SLC4A9: variants seen among roughly 807,000 people sequenced by gnomAD.
SLC4A9 encodes solute carrier family 4 member 9.
A neutral mutation model predicts 103.2 loss-of-function variants in SLC4A9; 102 were observed. The observed-to-expected ratio is 0.99, with a 90% CI of 0.84 to 1.17. The LOEUF (loss-of-function observed/expected upper bound fraction) is 1.17. Ranked by LOEUF, SLC4A9 falls within the 50% of genes most tolerant of loss-of-function variation. The pLI, the probability that SLC4A9 is intolerant of heterozygous loss-of-function variation, is 0.00. For synonymous variants in SLC4A9, 453 were observed against 483.6 expected (o/e 0.94, Z 0.83); for missense variants, 1,091 against 1,193.7 (o/e 0.91, Z 1.27).
At chr5:140,369,643 C>T (rs892438418) in intron 17 of SLC4A9, among the ~76,000 whole-genome samples, 3 of 150,922 alleles carry the variant, frequency 2.0e-5, no homozygotes, top group African/African-American at 2.4e-5. Context: ...GGGAAAGAGC[C>T]AGATGGACCG....
intron 11 of SLC4A9, 73 bp downstream of exon 11, chr5:140,364,698 A>T: frequency 6.6e-7 from 1 of 1,525,652 alleles, no homozygotes; most frequent in Non-Finnish European, 8.9e-7. Flanking sequence ...CACCCTTACT[A>T]TCCCCCCTGG....
In SLC4A9 at chr5:140,361,276, G is replaced by A. The variant is rs1013998244; in HGVS notation, c.414G>A (p.Ser138=). ...CAGAGCAGGTGACCAGGGTGGAGTC[G>A]CTGAGCCCAGAGCTGAGAGGGCAGT... is the stretch of plus-strand genomic sequence containing the variant. ...ELVEQVTRVE[S]LSPELRGQLQ... is the part of the protein sequence containing the mutation. The change falls in exon 3 of 22, where the codon TCG becomes TCA. Residue 138 remains serine (S), a synonymous_variant. Transcript: ENST00000506757. The A allele has an allele frequency of 1.2e-5, 19 of 1,567,948 alleles. No homozygotes were observed. Among genetic ancestry groups the A allele is most frequent in the Non-Finnish European group, 1.5e-5 (17 of 1,156,274 alleles).
rs1439708655 is a variant in SLC4A9, at chr5:140,362,320, C to A, written c.720-125C>A. On this transcript the variant is annotated intron_variant, in intron 5 of 21. Coordinates refer to ENST00000506757, the MANE Select transcript of SLC4A9 (RefSeq NM_031467.3). ...TCTGGGGAGAGAGTAGTGGTCAGGG[C>A]TGCATGGTAGGTGTGCAAATGAGTG... The A allele has an allele frequency of 3.2e-6, 4 of 1,238,700 alleles. No individual in the cohort carries two copies. The African/African-American group carries it at 5.9e-5, about 18-fold the overall frequency. The allele number at this position is 1,238,700 out of a possible 1,614,324, so 76.7% of individuals were successfully genotyped here. A position where few individuals can be genotyped will look rare whatever the true frequency, so the allele number is the denominator to read the frequency against.
rs1424094633 is a variant in SLC4A9, at chr5:140,361,352, ACCAGG to A, written c.493_497del (p.Arg165LeufsTer12). ...CCAGCATTACAACCAGACCACAGGC[ACCAGG>A]CCCTGCTGGGGTGAGAGCCCCTCCC... On this transcript the variant is annotated frameshift_variant, in exon 3 of 22. Transcript: ENST00000506757. LOFTEE classifies it high-confidence loss of function. The A allele has an allele frequency of 4.5e-6, 7 of 1,557,072 alleles. No individual in the cohort carries two copies. The highest frequency in any genetic ancestry group is 6.1e-6 in the Non-Finnish European group (7 of 1,150,248).
intron 17 of SLC4A9, among the ~76,000 whole-genome samples, chr5:140,370,059 A>G (rs1768474282): frequency 6.6e-6 from 1 of 152,122 alleles, no homozygotes; most frequent in African/African-American, 2.4e-5. Flanking sequence ...CAAAAAAACA[A>G]ACAAAAACCC....
Position 140,372,235 on chromosome 5 carries a change from C to A in SLC4A9, c.2671-7C>A, listed in dbSNP as rs775120252. 1.4e-5 allele frequency: 21 copies of A among 1,546,794 alleles called. No individual in the cohort carries two copies. The South Asian group carries it at 2.6e-4, about 19-fold the overall frequency. On this transcript the variant is annotated splice_polypyrimidine_tract_variant and splice_region_variant and intron_variant, in intron 19 of 21. Transcript: ENST00000506757. ...GACAGGCCTGGGCCATGTTTCTATT[C>A]CTGCAGTTGCTGGGCCTTGTGGGGG...
Position 140,363,535 on chromosome 5 carries a change from G to A in SLC4A9, c.1059G>A (p.Pro353=), listed in dbSNP as rs888488355. 4 of 1,552,970 alleles carry A rather than the reference G, an allele frequency of 2.6e-6. No individual in the cohort carries two copies. Among genetic ancestry groups the A allele is most frequent in the Non-Finnish European group, 3.5e-6 (4 of 1,148,148 alleles). The part of the protein sequence containing the change: ...RHRHGPHAHS[P]ELQRTGRLFG... ...GCCATGGGCCACACGCACACAGCCCGGAGTTGCAGCGGACCGGCAGGTGAG... is the reference window on the plus strand; with the variant it reads ...GCCATGGGCCACACGCACACAGCCCAGAGTTGCAGCGGACCGGCAGGTGAG... Residue 353 remains proline (P), a synonymous_variant, in exon 8 of 22, where the codon CCG becomes CCA. Coordinates refer to ENST00000506757, the MANE Select transcript of SLC4A9 (RefSeq NM_031467.3). This position sits in a 1 kb window ranked among gnomAD's most constrained non-coding sequence, Gnocchi z 4.5.
In SLC4A9 at chr5:140,362,542, G is replaced by A; in HGVS notation, c.807+10G>A. The A allele has an allele frequency of 6.2e-7, 1 of 1,613,784 alleles. No individual in the cohort carries two copies. On this transcript the variant is annotated intron_variant, in intron 6 of 21. Coordinates refer to ENST00000506757, the MANE Select transcript of SLC4A9 (RefSeq NM_031467.3). ...CCTCCTCAGTGACCCGGTGAGCTGA[G>A]CAGGTGTGTGTGTGTGCGCGCGCAC...
At position 140,363,084 on chromosome 5, in the gene SLC4A9, T is replaced by G; in HGVS notation, c.962+18T>G. 6.2e-7 allele frequency: 1 copy of G among 1,609,460 alleles called. No homozygotes were observed. The highest frequency in any genetic ancestry group is 8.5e-7 in the Non-Finnish European group (1 of 1,178,844). ...CACAAAAGGTACCTGGGAGCCATCA[T>G]CCCATACAGATTCCTGCCCATATAG... On this transcript the variant is annotated intron_variant, in intron 7 of 21. Coordinates refer to ENST00000506757, the MANE Select transcript of SLC4A9 (RefSeq NM_031467.3). The surrounding 1 kb of genome is among the most constrained non-coding windows in gnomAD (Gnocchi z 4.5).
Position 140,361,584 on chromosome 5 carries a change from A to G in SLC4A9, c.505+217A>G, listed in dbSNP as rs1767090556. Among the ~76,000 whole-genome samples the G allele has an allele frequency of 2.6e-5, 4 of 152,352 alleles. No homozygotes were observed. The South Asian group carries it at 8.3e-4, about 32-fold the overall frequency. Reference sequence around the variant, plus strand: ...TGAAGACATGTACTTGGTAGGCACTAGGCCTACCATTTGATCTTCACAGTA... The same window carrying G: ...TGAAGACATGTACTTGGTAGGCACTGGGCCTACCATTTGATCTTCACAGTA... On this transcript the variant is annotated intron_variant, in intron 3 of 21. Transcript: ENST00000506757.
intron 21 of SLC4A9, among the ~76,000 whole-genome samples, chr5:140,374,010 A>G (rs979094367): frequency 6.6e-6 from 1 of 151,676 alleles, no homozygotes. Flanking sequence ...CCTGGCCAAC[A>G]TAGTGAAACT....
chr5:140,362,636 A>G, intron 6 of SLC4A9, 104 bp downstream of exon 6: 1 of 1,191,176 alleles, frequency 8.4e-7, no homozygotes, highest in Non-Finnish European at 1.2e-6. Context: ...GTGTGTGTGG[A>G]CTCTGTATGT....
chr5:140,365,447 A>G, intron 11 of SLC4A9, 73 bp from the exon 12 acceptor site: 6 of 1,364,482 alleles, frequency 4.4e-6, no homozygotes, highest in Admixed American at 4.0e-5. Flanking sequence ...GACCCATCAG[A>G]TAAGAATTTT....
Position 140,370,964 on chromosome 5 carries a change from T to C in SLC4A9, c.2428-131T>C, listed in dbSNP as rs536461760. 2.5e-4 allele frequency: 171 copies of C among 674,490 alleles called. 1 individual carries two copies. In the African/African-American group the frequency reaches 2.7e-3, roughly 11 times the overall value. 41.8% of individuals were successfully genotyped at this position (674,490 alleles called of 1,614,324 possible). On this transcript the variant is annotated intron_variant, in intron 17 of 21. Coordinates refer to ENST00000506757, the MANE Select transcript of SLC4A9 (RefSeq NM_031467.3). ...TTCAATAAGATCGGCATGAAACATG[T>C]GAAAGGAAAGGCAAGGCCTGGGCAG...
At chr5:140,368,529 A>G in intron 16 of SLC4A9, 58 bp from the exon 17 acceptor site, 1 of 1,474,264 alleles carries the variant, frequency 6.8e-7, no homozygotes, top group Non-Finnish European at 9.4e-7. Flanking sequence ...CAGGATCTCC[A>G]GTCTGGATAC....
chr5:140,361,458 G>A (rs1767074056), intron 3 of SLC4A9, 91 bp downstream of exon 3: 4 of 1,098,732 alleles, frequency 3.6e-6, no homozygotes, highest in Non-Finnish European at 5.2e-6. Context: ...AAGTAGCCCA[G>A]GCTTAGTTCA....
chr5:140,371,594 T>G lies in SLC4A9; in HGVS notation c.2640T>G (p.Ser880=). ...TGGGGCTGCTTTGGATAATCAAGTC[T>G]ACCCCTGCAGCCATCATCTTCCCCC... ...ACLGLLWIIK[S]TPAAIIFPLM... Residue 880 remains serine, a synonymous_variant, in exon 19 of 22, where the codon TCT becomes TCG. Transcript: ENST00000506757. The G allele has an allele frequency of 6.2e-7, 1 of 1,614,054 alleles. No homozygotes were observed. The highest frequency in any genetic ancestry group is 1.3e-5 in the African/African-American group (1 of 75,066).
chr5:140,364,551 T>C lies in SLC4A9; in HGVS notation c.1577T>C (p.Leu526Ser). ...GATGCTGTGGGCAAAATGCTGAACTTGACCCATACCTATCCTATCCAGAAG... is the reference window on the plus strand; with the variant it reads ...GATGCTGTGGGCAAAATGCTGAACTCGACCCATACCTATCCTATCCAGAAG... The part of the protein sequence containing the change: ...IYDAVGKMLN[L>S]THTYPIQKPG... The change falls in exon 11 of 22, where the codon TTG (leucine) becomes TCG (serine). Residue 526 changes from leucine (L) to serine (S), a missense_variant. Physicochemically the swap from Leu to Ser is moderately radical, Grantham distance 145. Transcript: ENST00000506757. 3 of 1,606,610 alleles carry C rather than the reference T, an allele frequency of 1.9e-6. No homozygotes were observed. The highest frequency in any genetic ancestry group is 1.1e-5 in the South Asian group (1 of 89,970).
Position 140,363,384 on chromosome 5 carries a change from G to C in SLC4A9, c.963-55G>C. On this transcript the variant is annotated intron_variant, in intron 7 of 21. Coordinates refer to ENST00000506757, the MANE Select transcript of SLC4A9 (RefSeq NM_031467.3). This position sits in a 1 kb window ranked among gnomAD's most constrained non-coding sequence, Gnocchi z 4.5. ...GGCAGGGCGCCACGAGCTCTGGACC[G>C]AGTCGCAGACTGGTTGGAGATCCTC... 1 of 1,481,970 alleles carries C rather than the reference G, an allele frequency of 6.7e-7. No homozygotes were observed. The highest frequency in any genetic ancestry group is 9.2e-7 in the Non-Finnish European group (1 of 1,086,764). 91.8% of individuals were successfully genotyped at this position (1,481,970 alleles called of 1,614,324 possible). A position where few individuals can be genotyped will look rare whatever the true frequency, so the allele number is the denominator to read the frequency against.
Sources: allele counts gnomAD v4.1 joint callset (sites outside exome capture counted in the v4.1 genomes callset), GRCh38; gene constraint gnomAD v4.1.1; non-coding constraint Gnocchi (gnomAD v3.1); transcripts MANE v1.5; gene names NCBI Gene and HGNC (gene_info 2026-07-23, HGNC 2026-07-21).